CFAP61: variants seen among roughly 807,000 people sequenced by gnomAD.
CFAP61 encodes the protein cilia and flagella associated protein 61, also known as cilia- and flagella-associated protein 61.
Under a neutral mutation model 135.6 loss-of-function variants are expected in CFAP61, and 107 were observed. That is an observed-to-expected ratio of 0.79 (90% confidence interval 0.67 to 0.93). The LOEUF (loss-of-function observed/expected upper bound fraction) is 0.93. Ranked by LOEUF, CFAP61 falls within the 40% of genes least tolerant of loss-of-function variation. The probability of loss-of-function intolerance (pLI) is 0.00; values close to 1 mark genes in which losing one functional copy is unlikely to be tolerated. For synonymous variants in CFAP61, 575 were observed against 578.5 expected (o/e 0.99, Z 0.09); for missense variants, 1,507 against 1,556.2 (o/e 0.97, Z 0.53).
intron 24 of CFAP61, among the ~76,000 whole-genome samples, chr20:20,292,305 G>A (rs957380451): frequency 6.6e-6 from 1 of 152,188 alleles, no homozygotes; most frequent in African/African-American, 2.4e-5. Context: ...CAGGAAAAGG[G>A]TAGATGCTGT....
intron 22 of CFAP61, among the ~76,000 whole-genome samples, chr20:20,286,166 A>G (rs543808696): frequency 2.0e-5 from 3 of 152,180 alleles, no homozygotes; most frequent in Non-Finnish European, 2.9e-5. Flanking sequence ...TATCAGTGGG[A>G]TTCATCTCAG....
In CFAP61 at chr20:20,327,353, G is replaced by A. The variant is rs2057790571; in HGVS notation, c.3423-14478G>A. Among the ~76,000 whole-genome samples the A allele has an allele frequency of 2.0e-5, 3 of 152,244 alleles. No homozygotes were observed. The South Asian group carries it at 6.2e-4, about 32-fold the overall frequency. On this transcript the variant is annotated intron_variant, in intron 25 of 26. Transcript: ENST00000245957. ...TTGCCTTTTATGGGAAAGAGACAAT[G>A]AACAAGTAATTTTTTAAAGAGAAAC...
intron 25 of CFAP61, among the ~76,000 whole-genome samples, chr20:20,315,236 G>A (rs1469938376): frequency 6.6e-6 from 1 of 151,886 alleles, no homozygotes. Context: ...ATTCTAACTG[G>A]TGTGAGATGG....
Position 20,246,202 on chromosome 20 carries a change from T to G in CFAP61, c.2146T>G (p.Phe716Val). The G allele has an allele frequency of 6.2e-7, 1 of 1,609,550 alleles. No homozygotes were observed. Reference sequence around the variant, plus strand: ...ACTTCTGGACACTGAACAAAGGAAATTTTTAGCCAGCGAGTATGAATTGTA... The same window carrying G: ...ACTTCTGGACACTGAACAAAGGAAAGTTTTAGCCAGCGAGTATGAATTGTA... ...KKLLDTEQRK[F>V]LASDHCFNDK... is the part of the protein sequence containing the mutation. Residue 716 changes from phenylalanine to valine, a missense_variant, in exon 19 of 27, where the codon TTT (phenylalanine) becomes GTT (valine). Physicochemically the swap from Phe to Val is conservative, Grantham distance 50 (BLOSUM62 -1). Coordinates refer to ENST00000245957, the MANE Select transcript of CFAP61 (RefSeq NM_015585.4).
chr20:20,114,275 T>C (rs990992396), intron 8 of CFAP61, among the ~76,000 whole-genome samples: 5 of 152,130 alleles, frequency 3.3e-5, no homozygotes, highest in African/African-American at 1.2e-4. Flanking sequence ...GTCTCTAAAA[T>C]TAAATTAAAT....
At position 20,325,838 on chromosome 20, in the gene CFAP61, A is replaced by AT. The variant is rs528953105; in HGVS notation, c.3423-15992dup. On this transcript the variant is annotated intron_variant, in intron 25 of 26. Coordinates refer to ENST00000245957, the MANE Select transcript of CFAP61 (RefSeq NM_015585.4). The stretch of plus-strand genomic sequence containing the variant: ...CATTTTGTATTTCCACCAGCAATGA[A>AT]TGAGAGCTCCTGTTGTTCCACATCC... Among the ~76,000 whole-genome samples, 313 of 152,312 alleles carry AT rather than the reference A, an allele frequency of 2.1e-3. 1 individual carries two copies. The highest frequency in any genetic ancestry group is 7.1e-3 in the African/African-American group (297 of 41,572).
intron 7 of CFAP61, among the ~76,000 whole-genome samples, chr20:20,091,741 G>C (rs916722751): frequency 6.6e-6 from 1 of 152,136 alleles, no homozygotes; most frequent in Non-Finnish European, 1.5e-5. Flanking sequence ...GCACTGTCAT[G>C]ATCTCGGCTC....
chr20:20,348,758 C>A (rs2122420763), intron 26 of CFAP61, among the ~76,000 whole-genome samples: 2 of 127,162 alleles, frequency 1.6e-5, no homozygotes, highest in South Asian at 2.6e-4. Flanking sequence ...GCAGAAAAAG[C>A]ATTTGACAAA....
At chr20:20,094,997 AAAC>A (rs2047463206) in intron 7 of CFAP61, among the ~76,000 whole-genome samples, 2 of 152,198 alleles carry the variant, frequency 1.3e-5, no homozygotes, top group African/African-American at 4.8e-5. Flanking sequence ...ACTGCTTGTT[AAAC>A]ACAGCTATTA....
chr20:20,188,066 T>C lies in CFAP61; in HGVS notation c.1512+10T>C. The C allele has an allele frequency of 6.2e-7, 1 of 1,614,070 alleles. No individual in the cohort carries two copies. The highest frequency in any genetic ancestry group is 8.5e-7 in the Non-Finnish European group (1 of 1,179,958). ...GGCTCGCAAAGACCCTGTAAGTACC[T>C]GTTGTGACCAGACCTCAGGATATGG... On this transcript the variant is annotated intron_variant, in intron 14 of 26. Coordinates refer to ENST00000245957, the MANE Select transcript of CFAP61 (RefSeq NM_015585.4).
intron 25 of CFAP61, among the ~76,000 whole-genome samples, chr20:20,312,505 A>G (rs1355623283): frequency 6.6e-6 from 1 of 152,228 alleles, no homozygotes; most frequent in African/African-American, 2.4e-5. Context: ...TGAACAGGGT[A>G]TCAGTGAGGA....
At chr20:20,178,163 T>A (rs1196265193) in intron 13 of CFAP61, among the ~76,000 whole-genome samples, 1 of 152,218 alleles carries the variant, frequency 6.6e-6, no homozygotes, top group Non-Finnish European at 1.5e-5. Context: ...ACCTCTTCTG[T>A]CAACACATTC....
At chr20:20,124,690 CT>C (rs1164192050) in intron 8 of CFAP61, among the ~76,000 whole-genome samples, 3 of 151,664 alleles carry the variant, frequency 2.0e-5, no homozygotes, top group Non-Finnish European at 2.9e-5. Flanking sequence ...GGATATCAGT[CT>C]GTAGTTTTCT....
At chr20:20,188,167 G>C (rs1487264393) in intron 14 of CFAP61, 111 bp downstream of exon 14, 54 of 1,116,648 alleles carry the variant, frequency 4.8e-5, no homozygotes, top group Non-Finnish European at 6.8e-5. Flanking sequence ...ATGGCAGGGG[G>C]CAGTGGAGGT....
chr20:20,164,277 C>A (rs766208333), intron 11 of CFAP61, 49 bp downstream of exon 11: 1 of 1,533,884 alleles, frequency 6.5e-7, no homozygotes, highest in Non-Finnish European at 8.9e-7. Flanking sequence ...TCTTTTCTGG[C>A]ATTGGTGGCC....
chr20:20,075,682 T>G (rs1359844365), intron 6 of CFAP61, 67 bp downstream of exon 6: 38 of 1,563,550 alleles, frequency 2.4e-5, no homozygotes, highest in Non-Finnish European at 3.5e-6. Flanking sequence ...CAAGACTCTT[T>G]AAACTACCAA....
chr20:20,270,745 A>G (rs1453469053), intron 21 of CFAP61, among the ~76,000 whole-genome samples: 1 of 150,792 alleles, frequency 6.6e-6, no homozygotes, highest in Non-Finnish European at 1.5e-5. Flanking sequence ...ATTGTGGCTC[A>G]TGCAACCTCT....
At chr20:20,070,815 T>C in intron 2 of CFAP61, 39 bp from the exon 3 acceptor site, 14 of 1,589,574 alleles carry the variant, frequency 8.8e-6, no homozygotes, top group Non-Finnish European at 1.2e-5. Context: ...TCACTTTTTG[T>C]AATCTTATTC....
rs549123198 is a variant in CFAP61, at chr20:20,298,416, G to A, written c.3422+30G>A. 4.8e-4 allele frequency: 742 copies of A among 1,556,008 alleles called. 5 individuals carry two copies. Among genetic ancestry groups the A allele is most frequent in the Non-Finnish European group, 4.1e-5 (46 of 1,128,838 alleles). Reference sequence around the variant, plus strand: ...GTTGGACATTGCATTTGACTACAGGGAAATACAAATATATATATAATGTCT... The same window carrying A: ...GTTGGACATTGCATTTGACTACAGGAAAATACAAATATATATATAATGTCT... On this transcript the variant is annotated intron_variant, in intron 25 of 26. Transcript: ENST00000245957.
Sources: gnomAD v4.1 joint callset for allele counts (sites outside exome capture counted in the v4.1 genomes callset) on GRCh38, gnomAD v4.1.1 for gene constraint, MANE v1.5 for transcripts, NCBI Gene and HGNC (gene_info 2026-07-23, HGNC 2026-07-21) for gene names.